CPNE5: variants seen among roughly 807,000 people sequenced by gnomAD.
CPNE5 encodes the protein copine 5.
A neutral mutation model predicts 81.1 loss-of-function variants in CPNE5; 42 were observed. That is an observed-to-expected ratio of 0.52 (90% CI 0.40 to 0.67). The LOEUF is 0.67. Among genes scored for constraint, CPNE5 ranks in the 30% least tolerant of loss-of-function variants. The pLI, the probability that CPNE5 is intolerant of heterozygous loss-of-function variation, is 0.00. For synonymous variants in CPNE5, 313 were observed against 321.5 expected (o/e 0.97, Z 0.28); for missense variants, 612 against 815.5 (o/e 0.75, Z 3.04).
At chr6:36,799,265 C>G (rs1268619854) in intron 4 of CPNE5, among the ~76,000 whole-genome samples, 1 of 152,124 alleles carries the variant, frequency 6.6e-6, no homozygotes, top group Non-Finnish European at 1.5e-5. Context: ...GCTGTGTTGA[C>G]TCTCCTCAGC....
chr6:36,817,818 G>T (rs1319349308), intron 3 of CPNE5, among the ~76,000 whole-genome samples: 1 of 152,168 alleles, frequency 6.6e-6, no homozygotes, highest in African/African-American at 2.4e-5. Context: ...TCCCTCCAGT[G>T]GGGCTCCTGG....
intron 3 of CPNE5, among the ~76,000 whole-genome samples, chr6:36,815,833 G>A (rs1771495418): frequency 6.6e-6 from 1 of 152,244 alleles, no homozygotes; most frequent in Non-Finnish European, 1.5e-5. Flanking sequence ...GGACATGTGG[G>A]TGTGGTGGCT....
chr6:36,812,331 A>G lies in CPNE5; in HGVS notation c.183+9783T>C, dbSNP rs368443210. ...CTGATGTGGAGACTGTACAGGGTAG[A>G]AGGCATATCAGTCACCCTCTTATTT... is the stretch of plus-strand genomic sequence containing the variant. On this transcript the variant is annotated intron_variant, in intron 3 of 20. Transcript: ENST00000244751. 2.6e-5 allele frequency among the ~76,000 whole-genome samples: 4 copies of G among 152,270 alleles called. No homozygotes were observed. The East Asian group carries it at 7.7e-4, about 29-fold the overall frequency.
rs560577561 is a variant in CPNE5 at position 36,756,349 on chromosome 6, T to C, written c.856-51A>G. The C allele has an allele frequency of 3.0e-5, 46 of 1,537,018 alleles. 1 individual carries two copies. The Admixed American group carries it at 7.4e-4, about 25-fold the overall frequency. On this transcript the variant is annotated intron_variant, in intron 12 of 20. Transcript: ENST00000244751. ...AAGGCATGCTTCCAGGCAGTCAGGGTGAGTCTTGAGGGCTTCCAACCACCC... is the reference window on the plus strand; with the variant it reads ...AAGGCATGCTTCCAGGCAGTCAGGGCGAGTCTTGAGGGCTTCCAACCACCC...
intron 1 of CPNE5, among the ~76,000 whole-genome samples, chr6:36,825,098 TAGA>T (rs1470977759): frequency 6.6e-6 from 1 of 152,108 alleles, no homozygotes; most frequent in Non-Finnish European, 1.5e-5. Context: ...CAGAAAAGTC[TAGA>T]AGGAGGCCTT....
intron 8 of CPNE5, 22 bp downstream of exon 8, chr6:36,792,011 G>A (rs1178576559): frequency 1.7e-5 from 28 of 1,609,844 alleles, no homozygotes; most frequent in Non-Finnish European, 2.2e-5. Context: ...CACGTCCTGT[G>A]CTGGAGTCCT....
intron 14 of CPNE5, among the ~76,000 whole-genome samples, chr6:36,750,734 T>A (rs1314999192): frequency 1.3e-5 from 2 of 152,088 alleles, no homozygotes; most frequent in South Asian, 4.1e-4. Flanking sequence ...AGGGTGAAAG[T>A]CCCGCTCCCA....
chr6:36,814,662 G>A (rs2150569528), intron 3 of CPNE5, among the ~76,000 whole-genome samples: 1 of 152,306 alleles, frequency 6.6e-6, no homozygotes, highest in East Asian at 1.9e-4. Context: ...CCTGTGTGGA[G>A]GAAGCCAGCC....
At chr6:36,834,403 C>T (rs939314430) in intron 1 of CPNE5, among the ~76,000 whole-genome samples, 5 of 151,736 alleles carry the variant, frequency 3.3e-5, no homozygotes, top group South Asian at 2.1e-4. Flanking sequence ...TGCCTGCAAT[C>T]CCGGCAATTT....
intron 1 of CPNE5, chr6:36,827,337 G>A (rs979738347): frequency 1.0e-6 from 1 of 985,342 alleles, no homozygotes. Flanking sequence ...CCTTGGCTTT[G>A]GACGGGTGGC....
At position 36,800,041 on chromosome 6, in the gene CPNE5, C is replaced by T. The variant is rs759216558; in HGVS notation, c.213G>A (p.Thr71=). Residue 71 remains threonine (T), a synonymous_variant, in exon 4 of 21, where the codon ACG becomes ACA. Transcript: ENST00000244751. ...ACTTGCGCACGAAGTCAGGATTGAG[C>T]GTGTTGTCGATGACTTCGGTGCGCC... ...EFGRTEVIDN[T]LNPDFVRKFI... 13 of 1,613,708 alleles carry T rather than the reference C, an allele frequency of 8.1e-6. No homozygotes were observed. Among genetic ancestry groups the T allele is most frequent in the South Asian group, 2.2e-5 (2 of 91,040 alleles).
intron 1 of CPNE5, among the ~76,000 whole-genome samples, chr6:36,834,223 C>T (rs951341120): frequency 1.8e-5 from 2 of 108,482 alleles, no homozygotes; most frequent in East Asian, 6.3e-4. Flanking sequence ...TCTACCACTG[C>T]ATTCCAGCTT....
chr6:36,779,579 TAGATACA>T (rs1767840389), intron 8 of CPNE5, among the ~76,000 whole-genome samples: 1 of 151,464 alleles, frequency 6.6e-6, no homozygotes, highest in African/African-American at 2.5e-5. Context: ...TGCTCTCAGG[TAGATACA>T]GTGGGGTCTG....
At position 36,774,962 on chromosome 6, in the gene CPNE5, G is replaced by A; in HGVS notation, c.736C>T (p.Arg246Trp). 10 of 1,611,662 alleles carry A rather than the reference G, an allele frequency of 6.2e-6. No homozygotes were observed. Among genetic ancestry groups the A allele is most frequent in the Non-Finnish European group, 8.5e-6 (10 of 1,177,764 alleles). ...AGAAGGGACATTTTCTCATCTCACCGATCGTAGTCGCCGTTGCAGAGGGCT... is the reference window on the plus strand; with the variant it reads ...AGAAGGGACATTTTCTCATCTCACCAATCGTAGTCGCCGTTGCAGAGGGCT... ...VRALCNGDYDRTIKVEVYDWD... is the reference protein window; with the variant it reads ...VRALCNGDYDWTIKVEVYDWD... Residue 246 changes from arginine to tryptophan, a missense_variant and splice_region_variant, in exon 10 of 21, where the codon CGG becomes TGG. Transcript: ENST00000244751.
rs141362454 is a variant in CPNE5, at chr6:36,795,990, C to T, written c.405-1341G>A. Among the ~76,000 whole-genome samples the T allele has an allele frequency of 3.6e-3, 545 of 152,200 alleles. 1 individual carries two copies. Among genetic ancestry groups the T allele is most frequent in the Non-Finnish European group, 6.0e-3 (406 of 68,016 alleles). On this transcript the variant is annotated intron_variant, in intron 6 of 20. Coordinates refer to ENST00000244751, the MANE Select transcript of CPNE5 (RefSeq NM_020939.2). ...TTGAGATGGAATCTCGTTCTGTCACCCAGGCTAGAGTGCAGTGGTGTAATC... is the reference window on the plus strand; with the variant it reads ...TTGAGATGGAATCTCGTTCTGTCACTCAGGCTAGAGTGCAGTGGTGTAATC...
chr6:36,757,687 A>T (rs916295), intron 12 of CPNE5, among the ~76,000 whole-genome samples: 3 of 152,082 alleles, frequency 2.0e-5, no homozygotes, highest in African/African-American at 4.8e-5. Context: ...CCATGGAACA[A>T]GGGGGATCAC....
chr6:36,785,028 C>G (rs777485395), intron 8 of CPNE5, among the ~76,000 whole-genome samples: 3 of 152,152 alleles, frequency 2.0e-5, no homozygotes, highest in Non-Finnish European at 4.4e-5. Flanking sequence ...AAAGCAGCTC[C>G]TGCAATATAT....
intron 14 of CPNE5, among the ~76,000 whole-genome samples, chr6:36,752,375 G>T (rs1005623146): frequency 2.6e-5 from 4 of 152,204 alleles, no homozygotes; most frequent in Admixed American, 2.6e-4. Context: ...TCTGGGCCTA[G>T]ACACTGTGCC....
rs529975331 is a variant in CPNE5 at position 36,740,874 on chromosome 6, C to G, written c.*1394G>C. On this transcript the variant is annotated 3_prime_UTR_variant, in exon 21 of 21. Coordinates refer to ENST00000244751, the MANE Select transcript of CPNE5 (RefSeq NM_020939.2). The stretch of plus-strand genomic sequence containing the variant: ...ACCAGACACCGTAGAAACACCACCA[C>G]CATGCATGACGGGGAAGCAGAGGCA... 1 of 152,870 alleles carries G rather than the reference C, an allele frequency of 6.5e-6. No individual in the cohort carries two copies. Among genetic ancestry groups the G allele is most frequent in the Non-Finnish European group, 1.5e-5 (1 of 68,144 alleles). The allele number at this position is 152,870 out of a possible 1,614,324, so 9.5% of individuals were successfully genotyped here.
Sources: allele counts gnomAD v4.1 joint callset (sites outside exome capture counted in the v4.1 genomes callset), GRCh38; gene constraint gnomAD v4.1.1; transcripts MANE v1.5; gene names NCBI Gene and HGNC (gene_info 2026-07-23, HGNC 2026-07-21).